ZNF283: variants seen among roughly 807,000 people sequenced by gnomAD.
The protein encoded by ZNF283 is zinc finger protein 283.
ZNF283 carries 10 observed loss-of-function variants against 9.2 expected under a neutral mutation model. That is an observed-to-expected ratio of 1.09 (90% CI 0.67 to 1.85). ZNF283 has a LOEUF of 1.85. Among genes scored for constraint, ZNF283 ranks in the 40% most tolerant of loss-of-function variants. The probability of loss-of-function intolerance (pLI) is 0.00; values close to 1 mark genes in which losing one functional copy is unlikely to be tolerated. For synonymous variants in ZNF283, 234 were observed against 244.1 expected, an observed-to-expected ratio of 0.96 and a Z score of 0.38; for missense variants, 631 against 760.1, an observed-to-expected ratio of 0.83 and a Z score of 2.00.
rs879388571 is a variant in ZNF283, at chr19:43,849,541, T to C, written c.*900T>C. ...GCCTGTAACAGCATAAGATAATTTA[T>C]ACCAGATATGTTAAATGTGCAGAAG... On this transcript the variant is annotated 3_prime_UTR_variant, in exon 7 of 7. Transcript: ENST00000618787. The C allele has an allele frequency of 6.6e-6, 1 of 152,242 alleles. No homozygotes were observed. The highest frequency in any genetic ancestry group is 2.4e-5 in the African/African-American group (1 of 41,468). The allele number at this position is 152,242 out of a possible 1,614,324, so 9.4% of individuals were successfully genotyped here.
In ZNF283 at chr19:43,831,350, T is replaced by C. The variant is rs112763815; in HGVS notation, c.-32T>C. Reference sequence around the variant, plus strand: ...TTGACAGTGAATGTGTCTCATTACATTGAATAACAGCTACAGGATGTTCGA... The same window carrying C: ...TTGACAGTGAATGTGTCTCATTACACTGAATAACAGCTACAGGATGTTCGA... On this transcript the variant is annotated 5_prime_UTR_variant, in exon 3 of 7. Coordinates refer to ENST00000618787, the MANE Select transcript of ZNF283 (RefSeq NM_181845.2). 3,648 of 1,596,140 alleles carry C rather than the reference T, an allele frequency of 2.3e-3. 7 individuals carry two copies. The highest frequency in any genetic ancestry group is 2.6e-3 in the Non-Finnish European group (3,088 of 1,178,786).
chr19:43,848,259 G>T lies in ZNF283; in HGVS notation c.1658G>T (p.Ser553Ile). The change falls in exon 7 of 7, where the codon AGT becomes ATT. Residue 553 changes from serine to isoleucine, a missense_variant. Ser to Ile is a moderately radical substitution (Grantham distance 142). Around this residue, in one of 3 missense-constraint regions of ZNF283, gnomAD observed 444 missense variants for 522.5 expected, o/e 0.85. Coordinates refer to ENST00000618787, the MANE Select transcript of ZNF283 (RefSeq NM_181845.2). ...TGTAAAGAATGTGGGAAGGCTTTTAGTCGTGGCTATCACCTTACTCAACAT... is the reference window on the plus strand; with the variant it reads ...TGTAAAGAATGTGGGAAGGCTTTTATTCGTGGCTATCACCTTACTCAACAT... ...YECKECGKAF[S>I]RGYHLTQHQK... 1 of 1,613,720 alleles carries T rather than the reference G, an allele frequency of 6.2e-7. No homozygotes were observed. The highest frequency in any genetic ancestry group is 8.5e-7 in the Non-Finnish European group (1 of 1,179,914).
At chr19:43,837,392 T>G in intron 6 of ZNF283, 1 of 437,652 alleles carries the variant, frequency 2.3e-6, no homozygotes, top group Non-Finnish European at 4.0e-6. Context: ...TCTCGGGCCC[T>G]CCCTGCAATC....
chr19:43,847,368 T>A lies in ZNF283; in HGVS notation c.767T>A (p.Phe256Tyr). ...TATCAACTCAATGTGCATCAGAGATTTCATACTGGTGAGAAACCCTATGAG... is the reference window on the plus strand; with the variant it reads ...TATCAACTCAATGTGCATCAGAGATATCATACTGGTGAGAAACCCTATGAG... ...SAYQLNVHQR[F>Y]HTGEKPYECK... is the part of the protein sequence containing the mutation. Residue 256 changes from phenylalanine (F) to tyrosine (Y), a missense_variant, in exon 7 of 7, where the codon TTT (phenylalanine) becomes TAT (tyrosine). By Grantham distance (22) the Phe-to-Tyr change is conservative (BLOSUM62 3). Around this residue, in one of 3 missense-constraint regions of ZNF283, gnomAD observed 444 missense variants for 522.5 expected, o/e 0.85. Transcript: ENST00000618787. The A allele has an allele frequency of 6.2e-7, 1 of 1,614,090 alleles. No individual in the cohort carries two copies. The highest frequency in any genetic ancestry group is 8.5e-7 in the Non-Finnish European group (1 of 1,179,960).
rs1033276177 is a variant in ZNF283, at chr19:43,842,517, T to C, written c.338-4422T>C. Among the ~76,000 whole-genome samples, 3 of 152,346 alleles carry C rather than the reference T, an allele frequency of 2.0e-5. No homozygotes were observed. In the East Asian group the frequency reaches 5.8e-4, roughly 29 times the overall value. On this transcript the variant is annotated intron_variant, in intron 6 of 6. Coordinates refer to ENST00000618787, the MANE Select transcript of ZNF283 (RefSeq NM_181845.2). ...CAGTTAAATTAATAGCAGATCACAA[T>C]GATCTTTTTAAGAGTTGATTTTTGA...
chr19:43,846,539 A>G (rs55727855), intron 6 of ZNF283, among the ~76,000 whole-genome samples: 27,345 of 152,148 alleles, frequency 0.18, 2,545 homozygotes, highest in Non-Finnish European at 0.21. Context: ...GCGACCATTG[A>G]GTTGTTAGAC....
chr19:43,836,631 T>C (rs1438962495), intron 5 of ZNF283, among the ~76,000 whole-genome samples: 4 of 152,212 alleles, frequency 2.6e-5, no homozygotes, highest in Non-Finnish European at 1.5e-5. Flanking sequence ...CATGAACCAT[T>C]GCACCTGGCC....
rs1344095737 is a variant in ZNF283 at position 43,847,044 on chromosome 19, G to A, written c.443G>A (p.Gly148Asp). 2 of 1,611,828 alleles carry A rather than the reference G, an allele frequency of 1.2e-6. No homozygotes were observed. Among genetic ancestry groups the A allele is most frequent in the Non-Finnish European group, 8.5e-7 (1 of 1,178,898 alleles). The change falls in exon 7 of 7, where the codon GGC (glycine) becomes GAC (aspartate). Residue 148 changes from glycine (G) to aspartate (D), a missense_variant. Physicochemically the swap from Gly to Asp is moderately conservative, Grantham distance 94. Around this residue, in one of 3 missense-constraint regions of ZNF283, gnomAD observed 184 missense variants for 220.0 expected, o/e 0.84. Coordinates refer to ENST00000618787, the MANE Select transcript of ZNF283 (RefSeq NM_181845.2). The part of the protein sequence containing the change: ...WEMKDKSKTL[G>D]LEASIFRNNW... ...ATGAAGGACAAAAGTAAAACCCTTG[G>A]CCTTGAGGCATCCATCTTCAGAAAT... is the stretch of plus-strand genomic sequence containing the variant.
At position 43,847,096 on chromosome 19, in the gene ZNF283, G is replaced by A. The variant is rs767196341; in HGVS notation, c.495G>A (p.Glu165=). The change falls in exon 7 of 7, where the codon GAG becomes GAA. Residue 165 remains glutamate (E), a synonymous_variant. Coordinates refer to ENST00000618787, the MANE Select transcript of ZNF283 (RefSeq NM_181845.2). ...ATTGGAAGTGCAAAAGCATATTCGA[G>A]GGACTAAAAGGACATCAAGAGGGAT... ...RNNWKCKSIF[E]GLKGHQEGYF... 2 of 1,613,178 alleles carry A rather than the reference G, an allele frequency of 1.2e-6. No homozygotes were observed. Among genetic ancestry groups the A allele is most frequent in the Admixed American group, 1.7e-5 (1 of 59,868 alleles).
intron 3 of ZNF283, among the ~76,000 whole-genome samples, chr19:43,833,151 G>C (rs1970791234): frequency 6.6e-6 from 1 of 151,936 alleles, no homozygotes; most frequent in African/African-American, 2.4e-5. Context: ...TTACTGATGA[G>C]GAAACAGAGG....
rs1971559787 is a variant in ZNF283, at chr19:43,849,967, C to T, written c.*1326C>T. ...AGAAAAGCTTCCCATAACCACTCAT[C>T]CATTTGAATTTCAGATAGTTCATTC... is the stretch of plus-strand genomic sequence containing the variant. On this transcript the variant is annotated 3_prime_UTR_variant, in exon 7 of 7. Transcript: ENST00000618787. 1 of 149,574 alleles carries T rather than the reference C, an allele frequency of 6.7e-6. No individual in the cohort carries two copies. Among genetic ancestry groups the T allele is most frequent in the Non-Finnish European group, 1.5e-5 (1 of 67,992 alleles). The allele number at this position is 149,574 out of a possible 1,614,324, so 9.3% of individuals were successfully genotyped here.
In ZNF283 at chr19:43,850,003, C is replaced by G. The variant is rs536747912; in HGVS notation, c.*1362C>G. On this transcript the variant is annotated 3_prime_UTR_variant, in exon 7 of 7. Transcript: ENST00000618787. Reference sequence around the variant, plus strand: ...TCAGATAGTTCATTCTGGATAAGATCTAGTACAGTATAAAGAATTTGAGGG... The same window carrying G: ...TCAGATAGTTCATTCTGGATAAGATGTAGTACAGTATAAAGAATTTGAGGG... 1 of 152,154 alleles carries G rather than the reference C, an allele frequency of 6.6e-6. No homozygotes were observed. The highest frequency in any genetic ancestry group is 1.5e-5 in the Non-Finnish European group (1 of 67,978). 9.4% of individuals were successfully genotyped at this position (152,154 alleles called of 1,614,324 possible).
chr19:43,843,150 G>A (rs569993161), intron 6 of ZNF283, among the ~76,000 whole-genome samples: 8 of 152,232 alleles, frequency 5.3e-5, no homozygotes, highest in African/African-American at 1.9e-4. Context: ...AGACCATCCT[G>A]GCCAACATGG....
rs781304666 is a variant in ZNF283 at position 43,848,560 on chromosome 19, C to T, written c.1959C>T (p.Pro653=). Reference sequence around the variant, plus strand: ...AGAGAACTCATAGTAATGATAAACCCTACAAATATAACGAATGTGGGGAAG... The same window carrying T: ...AGAGAACTCATAGTAATGATAAACCTTACAAATATAACGAATGTGGGGAAG... ...VHERTHSNDK[P]YKYNECGEAF... The change falls in exon 7 of 7, where the codon CCC becomes CCT. Residue 653 remains proline (P), a synonymous_variant. Transcript: ENST00000618787. 3.7e-6 allele frequency: 6 copies of T among 1,601,380 alleles called. No individual in the cohort carries two copies. Among genetic ancestry groups the T allele is most frequent in the Middle Eastern group, 1.7e-4 (1 of 6,022 alleles).
intron 6 of ZNF283, among the ~76,000 whole-genome samples, chr19:43,843,256 G>A (rs1245637397): frequency 3.3e-5 from 5 of 152,268 alleles, no homozygotes; most frequent in East Asian, 3.9e-4. Context: ...CAGGAGAATC[G>A]CTTGAACCCG....
chr19:43,848,651 G>T lies in ZNF283; in HGVS notation c.*10G>T. 6.5e-7 allele frequency: 1 copy of T among 1,529,874 alleles called. No individual in the cohort carries two copies. Among genetic ancestry groups the T allele is most frequent in the Non-Finnish European group, 8.8e-7 (1 of 1,138,834 alleles). The allele number at this position is 1,529,874 out of a possible 1,614,324, so 94.8% of individuals were successfully genotyped here. On this transcript the variant is annotated 3_prime_UTR_variant, in exon 7 of 7. Coordinates refer to ENST00000618787, the MANE Select transcript of ZNF283 (RefSeq NM_181845.2). The stretch of plus-strand genomic sequence containing the variant: ...TGATGAAACCTTATGATTGAAAGTT[G>T]TAAAAGAATATTTTGTGTGTGTGTA...
chr19:43,835,682 T>TATAGGTCTAGGACCCAAGACCCAAAA, intron 5 of ZNF283, 90 bp downstream of exon 5: 1 of 1,018,148 alleles, frequency 9.8e-7, no homozygotes, highest in Non-Finnish European at 1.5e-6. Context: ...ATAGAACTTC[T>TATAGGTCTAGGACCCAAGACCCAAAA]CCATAGACCC....
rs1324664730 is a variant in ZNF283 at position 43,849,392 on chromosome 19, T to C, written c.*751T>C. ...ATAATTTGAGACAAGACTCACACTT[T>C]TCAAGACATGAGACAAGTGACAATT... On this transcript the variant is annotated 3_prime_UTR_variant, in exon 7 of 7. Transcript: ENST00000618787. 6.6e-6 allele frequency: 1 copy of C among 152,186 alleles called. No individual in the cohort carries two copies. Among genetic ancestry groups the C allele is most frequent in the Non-Finnish European group, 1.5e-5 (1 of 68,020 alleles). 9.4% of individuals were successfully genotyped at this position (152,186 alleles called of 1,614,324 possible). A position where few individuals can be genotyped will look rare whatever the true frequency, so the allele number is the denominator to read the frequency against.
chr19:43,837,362 C>T, intron 6 of ZNF283, 183 bp downstream of exon 6: 1 of 545,406 alleles, frequency 1.8e-6, no homozygotes, highest in Non-Finnish European at 3.1e-6. Flanking sequence ...TTCCCCATCC[C>T]TCAGTGAGCT....
Sources: allele counts gnomAD v4.1 joint callset (sites outside exome capture counted in the v4.1 genomes callset), GRCh38; gene constraint gnomAD v4.1.1; regional missense constraint gnomAD v4.1.1; transcripts MANE v1.5; gene names NCBI Gene and HGNC (gene_info 2026-07-23, HGNC 2026-07-21).